FARS2: variants seen among roughly 807,000 people sequenced by gnomAD.
FARS2 encodes the protein phenylalanine--tRNA ligase, mitochondrial.
FARS2 carries 40 observed loss-of-function variants against 46.4 expected under a neutral mutation model. The ratio of observed to expected loss-of-function variants is 0.86; its 90% confidence interval spans 0.67 to 1.12. The LOEUF is 1.12. Ranked by LOEUF, FARS2 falls within the 50% of genes most tolerant of loss-of-function variation. The probability of loss-of-function intolerance (pLI) is 0.00; values close to 1 mark genes in which losing one functional copy is unlikely to be tolerated. For missense variants in FARS2, 513 were observed against 567.9 expected (o/e 0.90, Z 0.98); for synonymous variants, 234 against 214.9 (o/e 1.09, Z -0.78).
At chr6:5,404,243 G>A (rs554972494) in intron 2 of FARS2, among the ~76,000 whole-genome samples, 2 of 152,172 alleles carry the variant, frequency 1.3e-5, no homozygotes, top group South Asian at 4.1e-4. Flanking sequence ...CACTAGAATT[G>A]AGGATAATGT....
At position 5,771,543 on chromosome 6, in the gene FARS2, T is replaced by C; in HGVS notation, c.*114T>C. The stretch of plus-strand genomic sequence containing the variant: ...ATCATCTTTTGATAAATGGATCAGT[T>C]TTAGGACTTTCAGAAAATAAAAGAT... On this transcript the variant is annotated 3_prime_UTR_variant, in exon 7 of 7. Transcript: ENST00000274680. The C allele has an allele frequency of 1.8e-6, 2 of 1,138,368 alleles. No individual in the cohort carries two copies. Among genetic ancestry groups the C allele is most frequent in the Non-Finnish European group, 2.5e-6 (2 of 807,198 alleles). The allele number at this position is 1,138,368 out of a possible 1,614,324, so 70.5% of individuals were successfully genotyped here. A position where few individuals can be genotyped will look rare whatever the true frequency, so the allele number is the denominator to read the frequency against.
intron 3 of FARS2, among the ~76,000 whole-genome samples, chr6:5,419,174 A>G (rs1389560377): frequency 6.6e-6 from 1 of 152,182 alleles, no homozygotes; most frequent in Non-Finnish European, 1.5e-5. Flanking sequence ...CTCAGAGAAG[A>G]ATTTGACTGG....
intron 1 of FARS2, among the ~76,000 whole-genome samples, chr6:5,309,905 A>C (rs924410339): frequency 6.6e-6 from 1 of 152,200 alleles, no homozygotes; most frequent in African/African-American, 2.4e-5. Context: ...AAATACTCCA[A>C]AAGATAAGTA....
intron 6 of FARS2, among the ~76,000 whole-genome samples, chr6:5,620,736 T>C (rs1775728953): frequency 6.6e-6 from 1 of 152,234 alleles, no homozygotes; most frequent in Admixed American, 6.5e-5. Flanking sequence ...CCTTGTGTTA[T>C]TCTGATGGTC....
At chr6:5,553,673 T>C (rs565986645) in intron 5 of FARS2, among the ~76,000 whole-genome samples, 3 of 152,174 alleles carry the variant, frequency 2.0e-5, no homozygotes, top group Non-Finnish European at 4.4e-5. Context: ...ATCTAATTTA[T>C]GAACTTACTG....
At chr6:5,450,012 T>C (rs1231610655) in intron 4 of FARS2, among the ~76,000 whole-genome samples, 1 of 152,202 alleles carries the variant, frequency 6.6e-6, no homozygotes, top group Non-Finnish European at 1.5e-5. Context: ...AAGTTGGCCC[T>C]CTGTATACAT....
In FARS2 at chr6:5,771,386, A is replaced by G. The variant is rs772372392; in HGVS notation, c.1313A>G (p.Gln438Arg). 1 of 1,614,240 alleles carries G rather than the reference A, an allele frequency of 6.2e-7. No homozygotes were observed. The highest frequency in any genetic ancestry group is 2.2e-5 in the East Asian group (1 of 44,886). The change falls in exon 7 of 7, where the codon CAG (glutamine) becomes CGG (arginine). Residue 438 changes from glutamine (Q) to arginine (R), a missense_variant. Physicochemically the swap from Gln to Arg is conservative, Grantham distance 43. Transcript: ENST00000274680. Reference protein sequence around the residue: ...REVRHIHQALQEAAVQLLGVE... With the variant: ...REVRHIHQALREAAVQLLGVE... ...GTCAGGCACATCCACCAGGCCTTGC[A>G]GGAGGCTGCAGTCCAGCTGTTGGGT...
chr6:5,651,978 C>T (rs910896399), intron 6 of FARS2, among the ~76,000 whole-genome samples: 1 of 152,128 alleles, frequency 6.6e-6, no homozygotes, highest in South Asian at 2.1e-4. Flanking sequence ...GGAAACAGAA[C>T]GTTGCACAGA....
intron 1 of FARS2, among the ~76,000 whole-genome samples, chr6:5,322,393 C>T (rs1052900349): frequency 6.6e-6 from 1 of 152,098 alleles, no homozygotes; most frequent in African/African-American, 2.4e-5. Flanking sequence ...TGGTTATGAA[C>T]CACAATGAAG....
chr6:5,450,746 C>T (rs1189148737), intron 4 of FARS2, among the ~76,000 whole-genome samples: 4 of 152,036 alleles, frequency 2.6e-5, no homozygotes, highest in Admixed American at 1.3e-4. Context: ...AAGGTTGAGG[C>T]GGGAGAAGCA....
chr6:5,469,274 G>A (rs575171247), intron 4 of FARS2, among the ~76,000 whole-genome samples: 3 of 152,252 alleles, frequency 2.0e-5, no homozygotes, highest in South Asian at 2.1e-4. Context: ...TTCCTGTCCT[G>A]TGCGTTGCTG....
upstream of FARS2, among the ~76,000 whole-genome samples, chr6:5,258,349 T>A (rs1241606316): frequency 6.6e-6 from 1 of 152,280 alleles, no homozygotes; most frequent in Non-Finnish European, 1.5e-5. Flanking sequence ...ACTACCTGTG[T>A]TAGTTTTGAT....
At chr6:5,293,439 G>A (rs1767636963) in intron 1 of FARS2, among the ~76,000 whole-genome samples, 1 of 151,856 alleles carries the variant, frequency 6.6e-6, no homozygotes, top group African/African-American at 2.4e-5. Context: ...GGGAGGAGGT[G>A]GGGATGGAGG....
chr6:5,735,355 G>A (rs1408577720), intron 6 of FARS2, among the ~76,000 whole-genome samples: 1 of 152,198 alleles, frequency 6.6e-6, no homozygotes, highest in African/African-American at 2.4e-5. Context: ...TTTGGTGTGT[G>A]TAGCTCACCA....
chr6:5,623,723 AT>A (rs11334118), intron 6 of FARS2, among the ~76,000 whole-genome samples: 12,124 of 121,942 alleles, frequency 0.099, 1,578 homozygotes, highest in African/African-American at 0.28. Flanking sequence ...AAAAAAATAA[AT>A]AAATAAAATA....
chr6:5,681,155 C>A (rs1257640912), intron 6 of FARS2, among the ~76,000 whole-genome samples: 1 of 152,148 alleles, frequency 6.6e-6, no homozygotes, highest in Non-Finnish European at 1.5e-5. Context: ...GAGAAAGGTT[C>A]AAAGATGTCT....
intron 4 of FARS2, among the ~76,000 whole-genome samples, chr6:5,535,683 AT>A (rs1322557938): frequency 1.3e-5 from 2 of 152,132 alleles, no homozygotes; most frequent in Non-Finnish European, 2.9e-5. Context: ...CATTGTCTTT[AT>A]TTTGTTGAGG....
At chr6:5,703,830 C>A (rs1249209291) in intron 6 of FARS2, among the ~76,000 whole-genome samples, 2 of 152,182 alleles carry the variant, frequency 1.3e-5, no homozygotes, top group Non-Finnish European at 2.9e-5. Flanking sequence ...GGCCCTGCCA[C>A]CCTTGGAAAA....
intron 5 of FARS2, among the ~76,000 whole-genome samples, chr6:5,580,289 CA>C (rs35150084): frequency 0.22 from 22,875 of 104,380 alleles, 1,746 homozygotes; most frequent in East Asian, 0.39. Flanking sequence ...GACTCCGTCT[CA>C]AAAAAAAAAA....
Sources: allele counts gnomAD v4.1 joint callset (sites outside exome capture counted in the v4.1 genomes callset), GRCh38; gene constraint gnomAD v4.1.1; transcripts MANE v1.5; gene names NCBI Gene and HGNC (gene_info 2026-07-23, HGNC 2026-07-21).